The following MERTK variants were observed in gnomAD, a reference collection of about 807,000 sequenced individuals.
MERTK encodes tyrosine-protein kinase Mer.
Under a neutral mutation model 99.3 loss-of-function variants are expected in MERTK, and 69 were observed. The ratio of observed to expected loss-of-function variants is 0.70; its 90% CI spans 0.57 to 0.85. The LOEUF (loss-of-function observed/expected upper bound fraction) is 0.85. Ranked by LOEUF, MERTK falls within the 40% of genes least tolerant of loss-of-function variation. MERTK has a pLI of 0.00. For missense variants in MERTK, 1,125 were observed against 1,249.4 expected (o/e 0.90, Z 1.50); for synonymous variants, 426 against 467.6 (o/e 0.91, Z 1.15).
chr2:111,989,511 A>G (rs576714199), intron 8 of MERTK, among the ~76,000 whole-genome samples: 2 of 151,964 alleles, frequency 1.3e-5, no homozygotes, highest in Admixed American at 1.3e-4. Flanking sequence ...GCCCGCCACC[A>G]CGCCCGGCTA....
At chr2:111,926,899 G>T (rs1451331472) in intron 1 of MERTK, among the ~76,000 whole-genome samples, 1 of 152,222 alleles carries the variant, frequency 6.6e-6, no homozygotes, top group Admixed American at 6.5e-5. Flanking sequence ...CCTTGTGAAG[G>T]TTTGCCTGGC....
At chr2:111,904,129 G>A (rs953075073) in intron 1 of MERTK, among the ~76,000 whole-genome samples, 23 of 152,034 alleles carry the variant, frequency 1.5e-4, no homozygotes, top group African/African-American at 5.6e-4. Context: ...AGAGAAGCAG[G>A]GCCCGCCCTG....
intron 5 of MERTK, among the ~76,000 whole-genome samples, chr2:111,967,154 C>T (rs1685372925): frequency 6.6e-6 from 1 of 152,194 alleles, no homozygotes; most frequent in Non-Finnish European, 1.5e-5. Context: ...AATAGGCCTC[C>T]AGTGTCCTGT....
In MERTK at chr2:111,951,555, AT is replaced by A. The variant is rs367911936; in HGVS notation, c.757+3994del. On this transcript the variant is annotated intron_variant, in intron 4 of 18. Coordinates refer to ENST00000295408, the MANE Select transcript of MERTK (RefSeq NM_006343.3). ...TATATATATATATATATATACCATA[AT>A]TTTTTAATCCATTTATCTGTTTATG... Among the ~76,000 whole-genome samples, 6 of 117,106 alleles carry A rather than the reference AT, an allele frequency of 5.1e-5. No individual in the cohort carries two copies. The East Asian group carries it at 1.3e-3, about 26-fold the overall frequency. 76.8% of individuals were successfully genotyped at this position (117,106 alleles called of 152,430 possible).
rs1676531133 is a variant in MERTK, at chr2:111,988,363, A to G, written c.1296+5370A>G. 2.0e-5 allele frequency among the ~76,000 whole-genome samples: 3 copies of G among 152,184 alleles called. No homozygotes were observed. In the South Asian group the frequency reaches 6.2e-4, roughly 31 times the overall value. ...CCCAGGGATTGATCAAATAGGGTAC[A>G]TTTTGCCTGGAGGAGAAACTTAACA... On this transcript the variant is annotated intron_variant, in intron 8 of 18. Transcript: ENST00000295408.
At chr2:111,959,573 A>G (rs558625998) in intron 4 of MERTK, among the ~76,000 whole-genome samples, 1 of 152,266 alleles carries the variant, frequency 6.6e-6, no homozygotes, top group East Asian at 1.9e-4. Flanking sequence ...TCCTAGGCTC[A>G]GGTGATTCAG....
At position 111,947,508 on chromosome 2, in the gene MERTK, A is replaced by G. The variant is rs1684981357; in HGVS notation, c.698A>G (p.Gln233Arg). 1.9e-6 allele frequency: 3 copies of G among 1,614,210 alleles called. No homozygotes were observed. The East Asian group carries it at 6.7e-5, about 36-fold the overall frequency. ...GAGCCCGTCAACATTTTCTGGGTTC[A>G]AAACAGTAGCCGTGTTAACGAACAG... Reference protein sequence around the residue: ...PPEPVNIFWVQNSSRVNEQPE... With the variant: ...PPEPVNIFWVRNSSRVNEQPE... The change falls in exon 4 of 19, where the codon CAA becomes CGA. Residue 233 changes from glutamine (Q) to arginine (R), a missense_variant. Gln to Arg is a conservative substitution (Grantham distance 43). Transcript: ENST00000295408.
chr2:112,029,396 A>ATT lies in MERTK; in HGVS notation c.*532_*533insTT. 2.2e-6 allele frequency: 2 copies of ATT among 919,284 alleles called. No homozygotes were observed. The highest frequency in any genetic ancestry group is 5.0e-5 in the South Asian group (1 of 19,910). The allele number at this position is 919,284 out of a possible 1,614,324, so 56.9% of individuals were successfully genotyped here. A position where few individuals can be genotyped will look rare whatever the true frequency, so the allele number is the denominator to read the frequency against. ...TATGTTGAACTTACTTGAGACTTGA[A>ATT]AGACAGTGGTCGGCAGCGGCCTTGT... On this transcript the variant is annotated 3_prime_UTR_variant, in exon 19 of 19. Coordinates refer to ENST00000295408, the MANE Select transcript of MERTK (RefSeq NM_006343.3).
chr2:112,019,237 A>C (rs958470019), intron 15 of MERTK, 176 bp from the exon 16 acceptor site: 21 of 744,026 alleles, frequency 2.8e-5, no homozygotes, highest in Non-Finnish European at 4.9e-5. Context: ...GGTTTTTCTC[A>C]TTCCTTTTTA....
Position 111,929,306 on chromosome 2 carries a change from TG to T in MERTK, c.249del (p.Thr84ProfsTer20). Reference protein sequence around the residue: ...PHTGNVAIPQVTSVESKPLPP... With the variant: ...PHTGNVAIPQXTSVESKPLPP... ...ACAGGAAACGTAGCCATTCCCCAGG[TG>T]ACCTCTGTCGAATCAAAGCCCCTAC... On this transcript the variant is annotated frameshift_variant, in exon 2 of 19. Transcript: ENST00000295408. LOFTEE classifies it high-confidence loss of function. 1 of 1,614,194 alleles carries T rather than the reference TG, an allele frequency of 6.2e-7. No homozygotes were observed. The highest frequency in any genetic ancestry group is 1.1e-5 in the South Asian group (1 of 91,084).
At chr2:111,975,578 T>C (rs770630718) in intron 7 of MERTK, 106 bp downstream of exon 7, 4 of 1,255,298 alleles carry the variant, frequency 3.2e-6, no homozygotes, top group Middle Eastern at 2.6e-4. Context: ...GTTTGGACTT[T>C]GTCTCTGGAG....
intron 4 of MERTK, chr2:111,952,600 A>G (rs1685078847): frequency 1.3e-5 from 2 of 152,218 alleles, no homozygotes; most frequent in African/African-American, 4.8e-5. Flanking sequence ...GGGTGGTGGA[A>G]CCGAGTGTTG....
chr2:111,955,552 T>TC (rs1190114749), intron 4 of MERTK, among the ~76,000 whole-genome samples: 1 of 151,908 alleles, frequency 6.6e-6, no homozygotes, highest in African/African-American at 2.4e-5. Flanking sequence ...CACTCATTCT[T>TC]CCCCCCAAAA....
intron 7 of MERTK, among the ~76,000 whole-genome samples, chr2:111,980,862 C>A (rs1339184329): frequency 6.6e-6 from 1 of 152,154 alleles, no homozygotes; most frequent in Non-Finnish European, 1.5e-5. Flanking sequence ...CCTTCTTCAT[C>A]TCTTTTTCAG....
At chr2:111,899,706 C>CG (rs1171806027) in intron 1 of MERTK, among the ~76,000 whole-genome samples, 3 of 152,118 alleles carry the variant, frequency 2.0e-5, no homozygotes, top group African/African-American at 7.2e-5. Context: ...TTAGTAGAGA[C>CG]GGGGTTTCAC....
Position 112,019,551 on chromosome 2 carries a change from T to A in MERTK, c.2189+29T>A, listed in dbSNP as rs759363048. On this transcript the variant is annotated intron_variant, in intron 16 of 18. Coordinates refer to ENST00000295408, the MANE Select transcript of MERTK (RefSeq NM_006343.3). ...AGAGTCCTCGGCTATCCTGGAAGGG[T>A]TTGGACCTCATGGTGTTTGGTCTTT... 24 of 1,525,830 alleles carry A rather than the reference T, an allele frequency of 1.6e-5. No individual in the cohort carries two copies. The South Asian group carries it at 2.5e-4, about 16-fold the overall frequency. 94.5% of individuals were successfully genotyped at this position (1,525,830 alleles called of 1,614,324 possible). A position where few individuals can be genotyped will look rare whatever the true frequency, so the allele number is the denominator to read the frequency against.
intron 8 of MERTK, among the ~76,000 whole-genome samples, chr2:111,987,043 C>CT (rs1207311320): frequency 6.6e-6 from 1 of 152,192 alleles, no homozygotes; most frequent in African/African-American, 2.4e-5. Flanking sequence ...AAGGGCAAAG[C>CT]TTAGACAAAA....
At chr2:111,985,951 G>T (rs921248572) in intron 8 of MERTK, among the ~76,000 whole-genome samples, 2 of 152,200 alleles carry the variant, frequency 1.3e-5, no homozygotes, top group Non-Finnish European at 2.9e-5. Context: ...GTGAGCAGAT[G>T]CATCCACTGA....
chr2:111,903,220 G>C (rs887586631), intron 1 of MERTK, among the ~76,000 whole-genome samples: 5 of 152,230 alleles, frequency 3.3e-5, no homozygotes, highest in African/African-American at 1.2e-4. Context: ...ACAGCATGAA[G>C]GAACCAAGCC....
Sources: gnomAD v4.1 joint callset for allele counts (sites outside exome capture counted in the v4.1 genomes callset) on GRCh38, gnomAD v4.1.1 for gene constraint, MANE v1.5 for transcripts, NCBI Gene and HGNC (gene_info 2026-07-23, HGNC 2026-07-21) for gene names.